PRR14L: variants seen among roughly 807,000 people sequenced by gnomAD.
PRR14L encodes the protein proline rich 14 like.
Under a neutral mutation model 155.0 loss-of-function variants are expected in PRR14L, and 80 were observed. The observed-to-expected ratio is 0.52, with a 90% CI of 0.43 to 0.62. The LOEUF (loss-of-function observed/expected upper bound fraction) is 0.62, where lower values mean the gene tolerates loss of function less well. Among genes scored for constraint, PRR14L ranks in the 20% least tolerant of loss-of-function variants. The pLI is 0.00. For synonymous variants in PRR14L, 883 were observed against 916.0 expected (o/e 0.96, Z 0.65); for missense variants, 2,469 against 2,548.0 (o/e 0.97, Z 0.67).
intron 2 of PRR14L, among the ~76,000 whole-genome samples, chr22:31,733,807 C>T (rs1207651132): frequency 6.6e-6 from 1 of 152,056 alleles, no homozygotes; most frequent in African/African-American, 2.4e-5. Context: ...CAAAAAGCGA[C>T]ACCCTTAAAT....
Position 31,715,556 on chromosome 22 carries a change from A to T in PRR14L, c.2283T>A (p.Asn761Lys). ...TKALHSRLRS[N>K]KREAAGFPQV... Reference sequence around the variant, plus strand: ...GAGGAAAGCCAGCTGCTTCTCTCTTATTTGAGCGCAGCCTGGAATGTAGAG... The same window carrying T: ...GAGGAAAGCCAGCTGCTTCTCTCTTTTTTGAGCGCAGCCTGGAATGTAGAG... The change falls in exon 4 of 9, where the codon AAT becomes AAA. Residue 761 changes from asparagine (N) to lysine (K), a missense_variant. Coordinates refer to ENST00000327423, the MANE Select transcript of PRR14L (RefSeq NM_173566.3). 1 of 1,552,070 alleles carries T rather than the reference A, an allele frequency of 6.4e-7. No individual in the cohort carries two copies. The highest frequency in any genetic ancestry group is 8.7e-7 in the Non-Finnish European group (1 of 1,147,076).
chr22:31,745,250 G>A lies in PRR14L; in HGVS notation c.-52+4743C>T, dbSNP rs1012033655. Among the ~76,000 whole-genome samples, 4 of 152,166 alleles carry A rather than the reference G, an allele frequency of 2.6e-5. 1 individual carries two copies. Among genetic ancestry groups the A allele is most frequent in the Admixed American group, 2.6e-4 (4 of 15,270 alleles). ...AAATTAGCCGGGTGTGGTGAGGGGC[G>A]CCTGTAGTCCCAGCTACTCGGGAGG... On this transcript the variant is annotated intron_variant, in intron 1 of 8. Coordinates refer to ENST00000327423, the MANE Select transcript of PRR14L (RefSeq NM_173566.3).
At chr22:31,729,967 T>A (rs2074739133) in intron 2 of PRR14L, among the ~76,000 whole-genome samples, 1 of 148,968 alleles carries the variant, frequency 6.7e-6, no homozygotes, top group African/African-American at 2.5e-5. Context: ...TGAGGTCAAC[T>A]GTGAAACCCC....
chr22:31,726,461 T>A (rs1440339471), intron 2 of PRR14L, among the ~76,000 whole-genome samples: 8 of 152,014 alleles, frequency 5.3e-5, no homozygotes, highest in African/African-American at 1.9e-4. Flanking sequence ...GAGACAGGGT[T>A]TCACCATGTT....
intron 3 of PRR14L, among the ~76,000 whole-genome samples, chr22:31,725,311 T>C (rs1344616987): frequency 3.3e-5 from 5 of 151,998 alleles, no homozygotes; most frequent in Admixed American, 3.3e-4. Context: ...GAGGCTGAGG[T>C]ATGAAGATCA....
At chr22:31,727,414 A>C (rs914907003) in intron 2 of PRR14L, among the ~76,000 whole-genome samples, 1 of 151,658 alleles carries the variant, frequency 6.6e-6, no homozygotes, top group Non-Finnish European at 1.5e-5. Flanking sequence ...TTTGTATTTT[A>C]GTAGAGACAG....
intron 2 of PRR14L, among the ~76,000 whole-genome samples, chr22:31,738,076 A>G (rs1292465367): frequency 1.3e-5 from 2 of 152,098 alleles, no homozygotes; most frequent in Non-Finnish European, 2.9e-5. Context: ...CTACCAAAAC[A>G]TAAGGACTGA....
At chr22:31,706,203 T>G (rs1448868404) in intron 4 of PRR14L, among the ~76,000 whole-genome samples, 1 of 151,376 alleles carries the variant, frequency 6.6e-6, no homozygotes, top group Non-Finnish European at 1.5e-5. Flanking sequence ...TGATGGCACA[T>G]GCCTGCAATC....
At chr22:31,730,657 G>C (rs981222444) in intron 2 of PRR14L, among the ~76,000 whole-genome samples, 8 of 152,130 alleles carry the variant, frequency 5.3e-5, no homozygotes, top group African/African-American at 1.9e-4. Context: ...TAAATATCTT[G>C]TAGGGAAATA....
intron 4 of PRR14L, 33 bp downstream of exon 4, chr22:31,712,050 G>A: frequency 6.4e-7 from 1 of 1,554,316 alleles, no homozygotes; most frequent in Non-Finnish European, 8.7e-7. Flanking sequence ...AGCAAATATG[G>A]GACATTTGTA....
rs1438692662 is a variant in PRR14L, at chr22:31,717,085, G to A, written c.754C>T (p.Pro252Ser). 7.1e-6 allele frequency: 11 copies of A among 1,551,922 alleles called. No homozygotes were observed. Among genetic ancestry groups the A allele is most frequent in the South Asian group, 1.2e-5 (1 of 84,052 alleles). The change falls in exon 4 of 9, where the codon CCA becomes TCA. Residue 252 changes from proline (P) to serine (S), a missense_variant. By Grantham distance (74) the Pro-to-Ser change is moderately conservative. Transcript: ENST00000327423. ...GGGTCCACAAAGGTTAAAGGTTCTG[G>A]GGTAACTAATGTGCTGGTTTCTGAA... is the stretch of plus-strand genomic sequence containing the variant. ...EVSETSTLVT[P>S]EPLTFVDPVL...
intron 7 of PRR14L, among the ~76,000 whole-genome samples, chr22:31,698,322 G>A (rs2074545356): frequency 6.6e-6 from 1 of 151,968 alleles, no homozygotes; most frequent in Non-Finnish European, 1.5e-5. Flanking sequence ...ACCATGCCCG[G>A]CCAGATGTTA....
chr22:31,740,453 C>T (rs950135705), intron 1 of PRR14L, among the ~76,000 whole-genome samples: 13 of 152,086 alleles, frequency 8.5e-5, no homozygotes, highest in East Asian at 1.9e-4. Context: ...CTCCTGACCT[C>T]GTGATCTGTC....
At chr22:31,745,857 A>T (rs747668) in intron 1 of PRR14L, among the ~76,000 whole-genome samples, 17,871 of 142,340 alleles carry the variant, frequency 0.13, 1,134 homozygotes, top group South Asian at 0.18. Context: ...AAAAAAAAAA[A>T]AAAAATATAT....
chr22:31,735,198 G>A lies in PRR14L; in HGVS notation c.474+3189C>T, dbSNP rs554982585. 1.2e-4 allele frequency among the ~76,000 whole-genome samples: 19 copies of A among 152,364 alleles called. 1 individual carries two copies. The South Asian group carries it at 3.5e-3, about 28-fold the overall frequency. On this transcript the variant is annotated intron_variant, in intron 2 of 8. Coordinates refer to ENST00000327423, the MANE Select transcript of PRR14L (RefSeq NM_173566.3). ...CTTGCGCCTGTAATCCCAGCACTTT[G>A]GGAGGCCGAGGTGGGCGGATCACGA... is the stretch of plus-strand genomic sequence containing the variant.
chr22:31,712,028 C>G, intron 4 of PRR14L, 55 bp downstream of exon 4: 1 of 1,503,560 alleles, frequency 6.7e-7, no homozygotes, highest in Non-Finnish European at 9.0e-7. Context: ...TCTCATCTCC[C>G]CAGAGACAGG....
Position 31,713,127 on chromosome 22 carries a change from G to C in PRR14L, c.4712C>G (p.Ser1571Cys). The C allele has an allele frequency of 6.4e-7, 1 of 1,552,178 alleles. No homozygotes were observed. The highest frequency in any genetic ancestry group is 8.7e-7 in the Non-Finnish European group (1 of 1,147,068). Residue 1571 changes from serine to cysteine, a missense_variant, in exon 4 of 9, where the codon TCT (serine) becomes TGT (cysteine). By Grantham distance (112) the Ser-to-Cys change is moderately radical (BLOSUM62 -1). Coordinates refer to ENST00000327423, the MANE Select transcript of PRR14L (RefSeq NM_173566.3). Reference sequence around the variant, plus strand: ...TTCAGGTTCTAATCGTGTAGGTGCAGACAGAGTACACAAACTGAGAAGTCT... The same window carrying C: ...TTCAGGTTCTAATCGTGTAGGTGCACACAGAGTACACAAACTGAGAAGTCT... ...AHRLLSLCTL[S>C]APTRLEPETA...
At position 31,733,298 on chromosome 22, in the gene PRR14L, G is replaced by GTTTTTTTTTTT. The variant is rs1162819822; in HGVS notation, c.474+5078_474+5088dup. On this transcript the variant is annotated intron_variant, in intron 2 of 8. Transcript: ENST00000327423. ...GTGTGAGCCACCGCGCCTGGCCACT[G>GTTTTTTTTTTT]TTTTTTTTTTTTTTTTTTTTTTTTG... 2.0e-4 allele frequency among the ~76,000 whole-genome samples: 13 copies of GTTTTTTTTTTT among 64,068 alleles called. 1 individual carries two copies. The highest frequency in any genetic ancestry group is 2.3e-4 in the Admixed American group (1 of 4,346). 42.0% of individuals were successfully genotyped at this position (64,068 alleles called of 152,430 possible).
chr22:31,732,459 A>G (rs756270640), intron 2 of PRR14L, among the ~76,000 whole-genome samples: 1 of 152,236 alleles, frequency 6.6e-6, no homozygotes, highest in Non-Finnish European at 1.5e-5. Context: ...TGTGCCAGGC[A>G]GAGGATGTCC....
Sources: allele counts gnomAD v4.1 joint callset (sites outside exome capture counted in the v4.1 genomes callset), GRCh38; gene constraint gnomAD v4.1.1; transcripts MANE v1.5; gene names NCBI Gene and HGNC (gene_info 2026-07-23, HGNC 2026-07-21).